Variants in DSCAML1 observed in about 807,000 individuals in gnomAD.
The protein encoded by DSCAML1 is DS cell adhesion molecule like 1, also known as cell adhesion molecule DSCAML1.
A neutral mutation model predicts 200.5 loss-of-function variants in DSCAML1; 38 were observed. The ratio of observed to expected loss-of-function variants is 0.19; its 90% CI spans 0.15 to 0.25. DSCAML1 has a LOEUF of 0.25. DSCAML1 is among the 10% of genes least tolerant of loss of function. The pLI is 1.00. For missense variants in DSCAML1, 2,223 were observed against 2,858.8 expected, an observed-to-expected ratio of 0.78 and a Z score of 5.07; for synonymous variants, 1,215 against 1,165.0, an observed-to-expected ratio of 1.04 and a Z score of -0.87.
chr11:117,742,159 T>C (rs1249518797), intron 3 of DSCAML1, among the ~76,000 whole-genome samples: 1 of 152,062 alleles, frequency 6.6e-6, no homozygotes, highest in Admixed American at 6.5e-5. Flanking sequence ...CAGGGATGCA[T>C]GGAGGAGGAA....
At chr11:117,735,461 C>T (rs2054300018) in intron 3 of DSCAML1, among the ~76,000 whole-genome samples, 1 of 152,166 alleles carries the variant, frequency 6.6e-6, no homozygotes, top group African/African-American at 2.4e-5. Flanking sequence ...GTCCAAGACA[C>T]CTGCCCCTGA....
At position 117,516,376 on chromosome 11, in the gene DSCAML1, G is replaced by A; in HGVS notation, c.1783+91C>T. The A allele has an allele frequency of 6.7e-7, 1 of 1,487,916 alleles. No individual in the cohort carries two copies. The allele number at this position is 1,487,916 out of a possible 1,614,324, so 92.2% of individuals were successfully genotyped here. A position where few individuals can be genotyped will look rare whatever the true frequency, so the allele number is the denominator to read the frequency against. Reference sequence around the variant, plus strand: ...CTCAGCCTTCCGTTCACCCAGGATTGCCTATTGTTGTCTGAGTCCCAGCTG... The same window carrying A: ...CTCAGCCTTCCGTTCACCCAGGATTACCTATTGTTGTCTGAGTCCCAGCTG... On this transcript the variant is annotated intron_variant, in intron 8 of 32. Coordinates refer to ENST00000651296, the MANE Select transcript of DSCAML1 (RefSeq NM_020693.4). This position sits in a 1 kb window ranked among gnomAD's most constrained non-coding sequence, Gnocchi z 5.7.
chr11:117,591,031 G>A (rs561651067), intron 3 of DSCAML1, among the ~76,000 whole-genome samples: 160 of 152,164 alleles, frequency 1.1e-3, no homozygotes, highest in African/African-American at 3.7e-3. Flanking sequence ...TGAGTGATGG[G>A]TATATGAGGT....
At chr11:117,689,771 A>G (rs2053463939) in intron 3 of DSCAML1, among the ~76,000 whole-genome samples, 1 of 152,232 alleles carries the variant, frequency 6.6e-6, no homozygotes, top group South Asian at 2.1e-4. Context: ...TCGAGCTGAG[A>G]CCAGCAGGCT....
chr11:117,486,911 C>CTTTTTTTTTTTTTTTTT (rs56805170), intron 11 of DSCAML1, among the ~76,000 whole-genome samples: 2 of 79,620 alleles, frequency 2.5e-5, no homozygotes, highest in African/African-American at 1.0e-4. Flanking sequence ...TGTAAAATAC[C>CTTTTTTTTTTTTTTTTT]TTTTTTTTTT....
At chr11:117,728,334 G>A (rs1421166220) in intron 3 of DSCAML1, among the ~76,000 whole-genome samples, 8 of 152,184 alleles carry the variant, frequency 5.3e-5, no homozygotes, top group Non-Finnish European at 1.2e-4. Flanking sequence ...CATATGTAAT[G>A]ATGAAAGAGT....
At chr11:117,725,980 A>G (rs1265487737) in intron 3 of DSCAML1, among the ~76,000 whole-genome samples, 1 of 152,148 alleles carries the variant, frequency 6.6e-6, no homozygotes, top group Non-Finnish European at 1.5e-5. Flanking sequence ...CACCATATTG[A>G]GTGACAGAAG....
chr11:117,434,918 T>G (rs530334757), intron 27 of DSCAML1, among the ~76,000 whole-genome samples: 1 of 152,266 alleles, frequency 6.6e-6, no homozygotes, highest in Non-Finnish European at 1.5e-5. Flanking sequence ...TTCCCTCTTC[T>G]GTGCTACTAT....
At chr11:117,525,468 T>C (rs1394609327) in intron 4 of DSCAML1, among the ~76,000 whole-genome samples, 1 of 151,730 alleles carries the variant, frequency 6.6e-6, no homozygotes, top group East Asian at 1.9e-4. Flanking sequence ...CTTCTTTTTT[T>C]TTTTTTGAAA....
intron 1 of DSCAML1, among the ~76,000 whole-genome samples, chr11:117,810,290 T>A (rs2055750449): frequency 6.6e-6 from 1 of 152,098 alleles, no homozygotes; most frequent in Admixed American, 6.5e-5. Flanking sequence ...GAGGGGCAAG[T>A]ACCCCTCAAC....
At chr11:117,666,691 C>T (rs1489310775) in intron 3 of DSCAML1, among the ~76,000 whole-genome samples, 2 of 152,182 alleles carry the variant, frequency 1.3e-5, no homozygotes, top group Non-Finnish European at 2.9e-5. Context: ...GAAGGGCTGG[C>T]CCCGGCAGGA....
intron 3 of DSCAML1, among the ~76,000 whole-genome samples, chr11:117,637,552 G>A (rs890457404): frequency 1.1e-4 from 17 of 152,058 alleles, no homozygotes; most frequent in African/African-American, 4.1e-4. Flanking sequence ...TCACCATGTT[G>A]GTCAGTCTGG....
In DSCAML1 at chr11:117,516,521, C is replaced by T. The variant is rs779900214; in HGVS notation, c.1729G>A (p.Val577Ile). The T allele has an allele frequency of 1.2e-6, 2 of 1,614,014 alleles. No homozygotes were observed. Among genetic ancestry groups the T allele is most frequent in the Admixed American group, 3.3e-5 (2 of 60,022 alleles). Residue 577 changes from valine (V) to isoleucine (I), a missense_variant, in exon 8 of 33, where the codon GTC becomes ATC. By Grantham distance (29) the Val-to-Ile change is conservative. This residue lies in a region of DSCAML1 where 212 missense variants were observed against 368.0 expected (regional missense o/e 0.58). Coordinates refer to ENST00000651296, the MANE Select transcript of DSCAML1 (RefSeq NM_020693.4). The surrounding 1 kb of genome is among the most constrained non-coding windows in gnomAD (Gnocchi z 5.7). Reference protein sequence around the residue: ...GMDEGEYLCSVLIQPQLSISQ... With the variant: ...GMDEGEYLCSILIQPQLSISQ... ...ATGGAGAGCTGGGGCTGGATGAGGA[C>T]ACTGCACAGGTACTCCCCCTCATCC... is the stretch of plus-strand genomic sequence containing the variant.
At chr11:117,552,059 G>C (rs1403201086) in intron 3 of DSCAML1, among the ~76,000 whole-genome samples, 1 of 142,466 alleles carries the variant, frequency 7.0e-6, no homozygotes, top group East Asian at 2.3e-4. Flanking sequence ...TGGGGTGGGG[G>C]CAGCTGCGGG....
intron 4 of DSCAML1, among the ~76,000 whole-genome samples, chr11:117,529,710 G>C (rs1052129408): frequency 2.6e-5 from 4 of 151,998 alleles, no homozygotes; most frequent in Non-Finnish European, 4.4e-5. Flanking sequence ...AGGAGCTCTC[G>C]GGGGTCCTGG....
At chr11:117,610,762 C>G (rs1258041567) in intron 3 of DSCAML1, among the ~76,000 whole-genome samples, 1 of 151,666 alleles carries the variant, frequency 6.6e-6, no homozygotes, top group African/African-American at 2.4e-5. Context: ...TATTTAACTA[C>G]TCCTGAGCAT....
At chr11:117,675,407 C>G (rs920156948) in intron 3 of DSCAML1, among the ~76,000 whole-genome samples, 1 of 151,966 alleles carries the variant, frequency 6.6e-6, no homozygotes, top group Non-Finnish European at 1.5e-5. Flanking sequence ...AAGCGATCTT[C>G]CCGCCTCAGC....
At chr11:117,660,574 T>C (rs1217942120) in intron 3 of DSCAML1, among the ~76,000 whole-genome samples, 1 of 152,208 alleles carries the variant, frequency 6.6e-6, no homozygotes, top group Non-Finnish European at 1.5e-5. Context: ...TAGCCGGGGC[T>C]AATAGATCCA....
intron 3 of DSCAML1, among the ~76,000 whole-genome samples, chr11:117,758,654 G>A (rs528625306): frequency 6.4e-4 from 97 of 152,052 alleles, no homozygotes; most frequent in African/African-American, 2.2e-3. Context: ...CGCCCACCTC[G>A]GCCTCCCAAA....
Sources: gnomAD v4.1 joint callset for allele counts (sites outside exome capture counted in the v4.1 genomes callset) on GRCh38, gnomAD v4.1.1 for gene constraint, gnomAD v4.1.1 regional missense constraint, Gnocchi (gnomAD v3.1) non-coding constraint, MANE v1.5 for transcripts, NCBI Gene and HGNC (gene_info 2026-07-23, HGNC 2026-07-21) for gene names.